The following RAPGEFL1 variants were observed in gnomAD, a reference collection of about 807,000 sequenced individuals.
The protein encoded by RAPGEFL1 is rap guanine nucleotide exchange factor-like 1.
RAPGEFL1 carries 31 observed loss-of-function variants against 64.4 expected under a neutral mutation model. That is an observed-to-expected ratio of 0.48 (90% CI 0.36 to 0.65). The LOEUF is 0.65. RAPGEFL1 is among the 30% of genes least tolerant of loss of function. The pLI is 0.00. For synonymous variants in RAPGEFL1, 331 were observed against 274.1 expected (o/e 1.21, Z -2.05); for missense variants, 682 against 677.4 (o/e 1.01, Z -0.08).
chr17:40,194,429 C>A lies in RAPGEFL1; in HGVS notation c.*641C>A, dbSNP rs1027227411. On this transcript the variant is annotated 3_prime_UTR_variant, in exon 15 of 15. Coordinates refer to ENST00000620260, the MANE Select transcript of RAPGEFL1 (RefSeq NM_016339.6). ...GGGTGCTTTCTCCACCCCCACACTC[C>A]CTGCTCAGCTCCTCGTGCTGCCCTG... 6.5e-6 allele frequency: 1 copy of A among 152,808 alleles called. No homozygotes were observed. Among genetic ancestry groups the A allele is most frequent in the Non-Finnish European group, 1.5e-5 (1 of 68,308 alleles). 9.5% of individuals were successfully genotyped at this position (152,808 alleles called of 1,614,324 possible).
In RAPGEFL1 at chr17:40,193,783, C is replaced by T. The variant is rs1170152922; in HGVS notation, c.1984C>T (p.Gln662Ter). The T allele has an allele frequency of 6.2e-7, 1 of 1,614,018 alleles. No homozygotes were observed. Among genetic ancestry groups the T allele is most frequent in the Non-Finnish European group, 8.5e-7 (1 of 1,180,000 alleles). The change falls in exon 15 of 15, where the codon CAG becomes TAG. Residue 662 changes from glutamine to a stop codon, truncating the protein, a stop_gained. Transcript: ENST00000620260. LOFTEE classifies it high-confidence loss of function. Reference protein sequence around the residue: ...ELSYKLEANSQ With the variant: ...ELSYKLEANS ...CTCCTACAAGCTGGAGGCAAACAGTCAGTGAGAGTGGAGGCTCCAGTCAGA... is the reference window on the plus strand; with the variant it reads ...CTCCTACAAGCTGGAGGCAAACAGTTAGTGAGAGTGGAGGCTCCAGTCAGA...
Position 40,195,372 on chromosome 17 carries a change from C to G in RAPGEFL1, c.*1584C>G, listed in dbSNP as rs1399032556. On this transcript the variant is annotated 3_prime_UTR_variant, in exon 15 of 15. Coordinates refer to ENST00000620260, the MANE Select transcript of RAPGEFL1 (RefSeq NM_016339.6). Reference sequence around the variant, plus strand: ...CCCCCTCCCTGCTACTGCTGATGCACTCTCCTCTCCCTGCAGCCCCTGGCT... The same window carrying G: ...CCCCCTCCCTGCTACTGCTGATGCAGTCTCCTCTCCCTGCAGCCCCTGGCT... 1.3e-5 allele frequency: 2 copies of G among 154,718 alleles called. No individual in the cohort carries two copies. The highest frequency in any genetic ancestry group is 2.9e-5 in the Non-Finnish European group (2 of 69,474). 9.6% of individuals were successfully genotyped at this position (154,718 alleles called of 1,614,324 possible). A position where few individuals can be genotyped will look rare whatever the true frequency, so the allele number is the denominator to read the frequency against.
chr17:40,192,277 GCT>G lies in RAPGEFL1; in HGVS notation c.1656+17_1656+18del. On this transcript the variant is annotated intron_variant, in intron 11 of 14. Coordinates refer to ENST00000620260, the MANE Select transcript of RAPGEFL1 (RefSeq NM_016339.6). Reference sequence around the variant, plus strand: ...GAGAACCTGACGGTGAGTGGGTTTGGCTCTTTCTTCTGCTCTTGGACTGAGAG... The same window carrying G: ...GAGAACCTGACGGTGAGTGGGTTTGGCTTTCTTCTGCTCTTGGACTGAGAG... 1 of 1,613,006 alleles carries G rather than the reference GCT, an allele frequency of 6.2e-7. No individual in the cohort carries two copies.
chr17:40,191,461 A>C lies in RAPGEFL1; in HGVS notation c.1481A>C (p.Gln494Pro). Residue 494 changes from glutamine to proline, a missense_variant, in exon 9 of 15, where the codon CAG (glutamine) becomes CCG (proline). By Grantham distance (76) the Gln-to-Pro change is moderately conservative. Coordinates refer to ENST00000620260, the MANE Select transcript of RAPGEFL1 (RefSeq NM_016339.6). This position sits in a 1 kb window ranked among gnomAD's most constrained non-coding sequence, Gnocchi z 5.1. ...TGCGAGGCCCCGGGCAAGCGCGCGC[A>C]GCTGCTCAAGAAGTTCATCAAGATC... ...LLCEAPGKRA[Q>P]LLKKFIKIAA... The C allele has an allele frequency of 6.2e-7, 1 of 1,607,262 alleles. No individual in the cohort carries two copies. The highest frequency in any genetic ancestry group is 8.5e-7 in the Non-Finnish European group (1 of 1,178,574).
intron 3 of RAPGEFL1, 80 bp downstream of exon 3, chr17:40,184,429 A>C (rs1989998024): frequency 6.0e-6 from 8 of 1,333,386 alleles, no homozygotes; most frequent in Non-Finnish European, 8.3e-6. Context: ...CATACTTCTC[A>C]TTCTGGGTAC....
chr17:40,177,269 G>A, upstream of RAPGEFL1: 1 of 702,568 alleles, frequency 1.4e-6, no homozygotes, highest in Non-Finnish European at 2.6e-6. Flanking sequence ...CTTGAGCCAG[G>A]AATCCTTCCC....
rs371861120 is a variant in RAPGEFL1 at position 40,177,851 on chromosome 17, C to CG, written c.-2dup. The CG allele has an allele frequency of 0.061, 25,017 of 411,130 alleles. 1,655 individuals are homozygous for CG. The highest frequency in any genetic ancestry group is 0.24 in the African/African-American group (11,550 of 47,384). 25.5% of individuals were successfully genotyped at this position (411,130 alleles called of 1,614,324 possible). On this transcript the variant is annotated 5_prime_UTR_variant, in exon 1 of 15. Transcript: ENST00000620260. ...CCCCCGGCGACCCCTAGGAGAGGGGCGGGGGGGGGCATGAAGCCGCTGGAG... is the reference window on the plus strand; with the variant it reads ...CCCCCGGCGACCCCTAGGAGAGGGGCGGGGGGGGGGCATGAAGCCGCTGGAG...
intron 4 of RAPGEFL1, among the ~76,000 whole-genome samples, chr17:40,184,924 G>A (rs978937852): frequency 1.3e-5 from 2 of 151,830 alleles, no homozygotes; most frequent in African/African-American, 4.8e-5. Flanking sequence ...GGATTACAGG[G>A]GTGCACCATG....
intron 8 of RAPGEFL1, 85 bp downstream of exon 8, chr17:40,190,847 G>C: frequency 6.4e-7 from 1 of 1,559,858 alleles, no homozygotes; most frequent in Non-Finnish European, 8.7e-7. Context: ...CAACGTCCTG[G>C]TTCCAAGGCT....
rs1160646464 is a variant in RAPGEFL1, at chr17:40,194,801, G to A, written c.*1013G>A. The A allele has an allele frequency of 2.0e-5, 3 of 152,302 alleles. No homozygotes were observed. The highest frequency in any genetic ancestry group is 4.4e-5 in the Non-Finnish European group (3 of 68,136). The allele number at this position is 152,302 out of a possible 1,614,324, so 9.4% of individuals were successfully genotyped here. On this transcript the variant is annotated 3_prime_UTR_variant, in exon 15 of 15. Transcript: ENST00000620260. ...ACATGGTCTCTGTCCCTCTCTCTTT[G>A]ACTCTCCCTTTGTCCTCCCCATAGA...
chr17:40,193,805 C>A lies in RAPGEFL1; in HGVS notation c.*17C>A. ...AGTCAGTGAGAGTGGAGGCTCCAGT[C>A]AGACCCGCCAGATCCTTGGGCACCT... On this transcript the variant is annotated 3_prime_UTR_variant, in exon 15 of 15. Transcript: ENST00000620260. The A allele has an allele frequency of 6.2e-7, 1 of 1,613,808 alleles. No individual in the cohort carries two copies. The highest frequency in any genetic ancestry group is 1.1e-5 in the South Asian group (1 of 91,036).
Position 40,177,902 on chromosome 17 carries a change from AGCTGGCGGGCCGAAC to A in RAPGEFL1, c.43_57del (p.Leu15_Thr19del). 1 of 421,972 alleles carries A rather than the reference AGCTGGCGGGCCGAAC, an allele frequency of 2.4e-6. No homozygotes were observed. Among genetic ancestry groups the A allele is most frequent in the Middle Eastern group, 3.5e-4 (1 of 2,822 alleles). 26.1% of individuals were successfully genotyped at this position (421,972 alleles called of 1,614,324 possible). On this transcript the variant is annotated inframe_deletion, in exon 1 of 15. Transcript: ENST00000620260. ...AAATTTCTGAAGAAGCAGACGTCGC[AGCTGGCGGGCCGAAC>A]GGTGGCGGGAGGTCCCGGCGGGGGT...
At chr17:40,179,577 A>G (rs1989833161) in intron 1 of RAPGEFL1, among the ~76,000 whole-genome samples, 1 of 151,854 alleles carries the variant, frequency 6.6e-6, no homozygotes, top group African/African-American at 2.4e-5. Flanking sequence ...CTAAATGATG[A>G]TACTATTTCA....
rs1419012467 is a variant in RAPGEFL1, at chr17:40,178,013, G to C, written c.152G>C (p.Arg51Pro). The part of the protein sequence containing the change: ...GGGGGPAGGQ[R>P]SLQRRQSVSR... ...GGCGGCGGTCCAGCCGGGGGACAGC[G>C]GTCGTTGCAGCGGCGTCAGAGCGTG... is the stretch of plus-strand genomic sequence containing the variant. The change falls in exon 1 of 15, where the codon CGG becomes CCG. Residue 51 changes from arginine to proline, a missense_variant. This residue lies in a region of RAPGEFL1 where 271 missense variants were observed against 158.0 expected (regional missense o/e 1.72). Coordinates refer to ENST00000620260, the MANE Select transcript of RAPGEFL1 (RefSeq NM_016339.6). The C allele has an allele frequency of 2.0e-6, 1 of 510,210 alleles. No individual in the cohort carries two copies. Among genetic ancestry groups the C allele is most frequent in the Admixed American group, 4.1e-5 (1 of 24,238 alleles). The allele number at this position is 510,210 out of a possible 1,614,324, so 31.6% of individuals were successfully genotyped here.
Position 40,194,049 on chromosome 17 carries a change from T to C in RAPGEFL1, c.*261T>C. The C allele has an allele frequency of 2.4e-6, 1 of 412,830 alleles. No homozygotes were observed. Among genetic ancestry groups the C allele is most frequent in the Non-Finnish European group, 4.5e-6 (1 of 222,276 alleles). The allele number at this position is 412,830 out of a possible 1,614,324, so 25.6% of individuals were successfully genotyped here. ...AGGGGATAGAAAGCTCCTTCCTCTA[T>C]GTCCTCCCATCGAGATCTGTTCTGG... On this transcript the variant is annotated 3_prime_UTR_variant, in exon 15 of 15. Coordinates refer to ENST00000620260, the MANE Select transcript of RAPGEFL1 (RefSeq NM_016339.6).
intron 1 of RAPGEFL1, 118 bp from the exon 2 acceptor site, chr17:40,181,498 G>A (rs1283152359): frequency 5.9e-6 from 4 of 678,318 alleles, no homozygotes; most frequent in Non-Finnish European, 2.7e-6. Context: ...CAGGTGGCTG[G>A]GGCTCCAGCC....
intron 2 of RAPGEFL1, among the ~76,000 whole-genome samples, chr17:40,182,019 G>T (rs1199548352): frequency 3.3e-5 from 5 of 151,668 alleles, no homozygotes; most frequent in Non-Finnish European, 7.4e-5. Context: ...GGAGGCAAAG[G>T]TTGCAGTGAG....
At chr17:40,184,408 T>C (rs914238538) in intron 3 of RAPGEFL1, 59 bp downstream of exon 3, 1 of 1,446,046 alleles carries the variant, frequency 6.9e-7, no homozygotes, top group African/African-American at 1.4e-5. Flanking sequence ...AGGGGGCCCC[T>C]GTGAAGGAGC....
intron 5 of RAPGEFL1, 108 bp from the exon 6 acceptor site, chr17:40,189,100 T>C: frequency 6.8e-7 from 1 of 1,474,258 alleles, no homozygotes. Flanking sequence ...TCACAGGACC[T>C]TCTTCAGAGG....
Sources: gnomAD v4.1 joint callset for allele counts (sites outside exome capture counted in the v4.1 genomes callset) on GRCh38, gnomAD v4.1.1 for gene constraint, gnomAD v4.1.1 regional missense constraint, Gnocchi (gnomAD v3.1) non-coding constraint, MANE v1.5 for transcripts, NCBI Gene and HGNC (gene_info 2026-07-23, HGNC 2026-07-21) for gene names.